The following CDK18 variants were observed in gnomAD, a reference collection of about 807,000 sequenced individuals.
The protein encoded by CDK18 is cyclin dependent kinase 18.
A neutral mutation model predicts 62.0 loss-of-function variants in CDK18; 52 were observed. The ratio of observed to expected loss-of-function variants is 0.84; its 90% CI spans 0.67 to 1.06. CDK18 has a LOEUF of 1.06. Among genes scored for constraint, CDK18 ranks in the 50% least tolerant of loss-of-function variants. The pLI, the probability that CDK18 is intolerant of heterozygous loss-of-function variation, is 0.00. For synonymous variants in CDK18, 237 were observed against 247.0 expected (o/e 0.96, Z 0.38); for missense variants, 604 against 619.9 (o/e 0.97, Z 0.27).
At position 205,526,425 on chromosome 1, in the gene CDK18, C is replaced by T. The variant is rs1668431906; in HGVS notation, c.630C>T (p.His210=). The T allele has an allele frequency of 6.2e-7, 1 of 1,614,022 alleles. No individual in the cohort carries two copies. The part of the protein sequence containing the change: ...ANIVTLHDLI[H]TDRSLTLVFE... Reference sequence around the variant, plus strand: ...TTGTGACCCTGCATGACCTCATCCACACAGATCGGTCCCTCACCCTGGTGT... The same window carrying T: ...TTGTGACCCTGCATGACCTCATCCATACAGATCGGTCCCTCACCCTGGTGT... Residue 210 remains histidine (H), a synonymous_variant, in exon 7 of 16, where the codon CAC becomes CAT. Coordinates refer to ENST00000429964, the MANE Select transcript of CDK18 (RefSeq NM_212502.3).
chr1:205,505,552 C>G lies in CDK18; in HGVS notation c.-22+756C>G, dbSNP rs1404814634. Among the ~76,000 whole-genome samples the G allele has an allele frequency of 3.3e-5, 5 of 152,104 alleles. 1 individual carries two copies. Among genetic ancestry groups the G allele is most frequent in the Non-Finnish European group, 2.9e-5 (2 of 68,026 alleles). The stretch of plus-strand genomic sequence containing the variant: ...TGGGGCCGGGGGGAGTGGGCGGTGA[C>G]CTGTTGGGCTAAGGAGATGTGCCTT... On this transcript the variant is annotated intron_variant, in intron 1 of 15. Coordinates refer to ENST00000429964, the MANE Select transcript of CDK18 (RefSeq NM_212502.3).
rs1558785016 is a variant in CDK18 at position 205,528,393 on chromosome 1, TC to T, written c.974+230del. Reference sequence around the variant, plus strand: ...CCCCAAGCCTGTGCATTTGAAATCCTCCCCCAGAGGCCTGTGGGGGGTTACC... The same window carrying T: ...CCCCAAGCCTGTGCATTTGAAATCCTCCCCAGAGGCCTGTGGGGGGTTACC... On this transcript the variant is annotated intron_variant, in intron 10 of 15. Transcript: ENST00000429964. The surrounding 1 kb of genome is among the most constrained non-coding windows in gnomAD (Gnocchi z 4.2). Among the ~76,000 whole-genome samples, 2 of 152,068 alleles carry T rather than the reference TC, an allele frequency of 1.3e-5. No homozygotes were observed. Among genetic ancestry groups the T allele is most frequent in the African/African-American group, 4.8e-5 (2 of 41,404 alleles).
chr1:205,522,988 CAGA>C, intron 1 of CDK18, 156 bp from the exon 2 acceptor site: 2 of 707,586 alleles, frequency 2.8e-6, no homozygotes, highest in East Asian at 2.8e-5. Context: ...CACCCACCCT[CAGA>C]GGGGTCAAAC....
intron 7 of CDK18, 29 bp from the exon 8 acceptor site, chr1:205,526,746 G>A (rs1316036686): frequency 8.1e-6 from 13 of 1,601,656 alleles, no homozygotes; most frequent in Non-Finnish European, 9.4e-6. Flanking sequence ...TCAGCGTGGG[G>A]CAGGACTGAG....
At chr1:205,525,285 C>A in intron 5 of CDK18, 90 bp downstream of exon 5, 1 of 912,722 alleles carries the variant, frequency 1.1e-6, no homozygotes, top group Non-Finnish European at 1.7e-6. Context: ...CTCTGGTCGG[C>A]CCTCTCTGGT....
rs976750326 is a variant in CDK18, at chr1:205,527,828, A to C, written c.764A>C (p.Tyr255Ser). 6.2e-7 allele frequency: 1 copy of C among 1,613,778 alleles called. No individual in the cohort carries two copies. Among genetic ancestry groups the C allele is most frequent in the African/African-American group, 1.3e-5 (1 of 74,856 alleles). The change falls in exon 9 of 16, where the codon TAC becomes TCC. Residue 255 changes from tyrosine to serine, a missense_variant. Coordinates refer to ENST00000429964, the MANE Select transcript of CDK18 (RefSeq NM_212502.3). The surrounding 1 kb of genome is among the most constrained non-coding windows in gnomAD (Gnocchi z 4.1). The stretch of plus-strand genomic sequence containing the variant: ...TTCCAGCTGCTCCGGGGCCTCGCCT[A>C]CTGTCACCACCGCAAGATCCTGCAC... ...FMFQLLRGLA[Y>S]CHHRKILHRD...
rs1668487266 is a variant in CDK18, at chr1:205,527,339, C to T, written c.730-455C>T. 4 of 216,098 alleles carry T rather than the reference C, an allele frequency of 1.9e-5. No homozygotes were observed. In the South Asian group the frequency reaches 3.1e-4, roughly 17 times the overall value. The allele number at this position is 216,098 out of a possible 1,614,324, so 13.4% of individuals were successfully genotyped here. A position where few individuals can be genotyped will look rare whatever the true frequency, so the allele number is the denominator to read the frequency against. On this transcript the variant is annotated intron_variant, in intron 8 of 15. Transcript: ENST00000429964. The surrounding 1 kb of genome is among the most constrained non-coding windows in gnomAD (Gnocchi z 4.1). ...ACTAAAAATTGAAAAATTAGCCGGG[C>T]ACAGTAGCGTGCACCCATAGTCCCA... is the stretch of plus-strand genomic sequence containing the variant.
Position 205,523,159 on chromosome 1 carries a change from C to T in CDK18, c.-9C>T. On this transcript the variant is annotated 5_prime_UTR_variant, in exon 2 of 16. Transcript: ENST00000429964. ...CTTCCCATCTCAGGACCCGGCTGCC[C>T]AGTCCCTCATGATCATGAACAAGAT... 1 of 1,601,860 alleles carries T rather than the reference C, an allele frequency of 6.2e-7. No individual in the cohort carries two copies. The highest frequency in any genetic ancestry group is 1.1e-5 in the South Asian group (1 of 88,998).
chr1:205,526,333 TCCTAGGGA>T (rs1481412757), intron 6 of CDK18, 26 bp from the exon 7 acceptor site: 2 of 1,565,016 alleles, frequency 1.3e-6, no homozygotes, highest in African/African-American at 1.4e-5. Flanking sequence ...ACACATGGGG[TCCTAGGGA>T]CCCAGGTGGA....
intron 4 of CDK18, among the ~76,000 whole-genome samples, chr1:205,524,659 T>C (rs1276465462): frequency 1.3e-5 from 2 of 152,236 alleles, no homozygotes; most frequent in Non-Finnish European, 2.9e-5. Flanking sequence ...CTATCAGAGC[T>C]GTTTGGGACA....
intron 1 of CDK18, chr1:205,505,016 T>TG: frequency 6.6e-6 from 1 of 150,790 alleles, no homozygotes; most frequent in Non-Finnish European, 1.5e-5. Context: ...TGTTGAGGGG[T>TG]GGGGGGTGCC....
At chr1:205,531,312 C>T (rs371822019) in intron 15 of CDK18, 32 bp from the exon 16 acceptor site, 479 of 1,612,730 alleles carry the variant, frequency 3.0e-4, no homozygotes, top group Middle Eastern at 4.9e-4. Flanking sequence ...CCAGCCTCCT[C>T]CCTGCAGCCC....
chr1:205,526,581 T>G, intron 7 of CDK18, 120 bp downstream of exon 7: 1 of 966,440 alleles, frequency 1.0e-6, no homozygotes, highest in Non-Finnish European at 1.7e-6. Context: ...GGCCTTGTTC[T>G]GGAATCAGAT....
intron 11 of CDK18, 74 bp downstream of exon 11, chr1:205,529,170 G>T (rs1186036208): frequency 7.0e-7 from 1 of 1,426,312 alleles, no homozygotes; most frequent in Non-Finnish European, 9.6e-7. Flanking sequence ...CGCGGAGCGG[G>T]ACGGGGAGGA....
intron 1 of CDK18, among the ~76,000 whole-genome samples, chr1:205,513,792 C>T (rs1238689429): frequency 6.6e-6 from 1 of 152,214 alleles, no homozygotes; most frequent in African/African-American, 2.4e-5. Context: ...AGGAACTTCT[C>T]ATTCGGGTTC....
intron 1 of CDK18, among the ~76,000 whole-genome samples, chr1:205,510,568 C>T (rs1558767072): frequency 6.6e-6 from 1 of 152,188 alleles, no homozygotes; most frequent in East Asian, 1.9e-4. Flanking sequence ...GGCTCCTTCC[C>T]AAGGAAGGTG....
At chr1:205,523,084 G>A (rs1422662149) in intron 1 of CDK18, 63 bp from the exon 2 acceptor site, 2 of 1,508,914 alleles carry the variant, frequency 1.3e-6, no homozygotes, top group African/African-American at 2.8e-5. Context: ...ATTCCCAGTG[G>A]GTGGAGACCT....
chr1:205,530,004 T>C, intron 13 of CDK18: 1 of 1,403,370 alleles, frequency 7.1e-7, no homozygotes, highest in Non-Finnish European at 9.3e-7. Context: ...TCTGTATTTC[T>C]ATCCCAAGAG....
chr1:205,519,989 C>T (rs1278563215), intron 1 of CDK18, among the ~76,000 whole-genome samples: 6 of 152,164 alleles, frequency 3.9e-5, no homozygotes, highest in Non-Finnish European at 2.9e-5. Flanking sequence ...GGTCTCCCTC[C>T]TGGCAGAGCT....
Sources: allele counts gnomAD v4.1 joint callset (sites outside exome capture counted in the v4.1 genomes callset), GRCh38; gene constraint gnomAD v4.1.1; non-coding constraint Gnocchi (gnomAD v3.1); transcripts MANE v1.5; gene names NCBI Gene and HGNC (gene_info 2026-07-23, HGNC 2026-07-21).